STPG2: variants seen among roughly 807,000 people sequenced by gnomAD.
STPG2 encodes sperm-tail PG-rich repeat-containing protein 2.
Under a neutral mutation model 54.2 loss-of-function variants are expected in STPG2, and 56 were observed. The ratio of observed to expected loss-of-function variants is 1.03; its 90% confidence interval spans 0.83 to 1.29. STPG2 has a LOEUF of 1.29. Ranked by LOEUF, STPG2 falls within the 50% of genes most tolerant of loss-of-function variation. STPG2 has a pLI of 0.00. For missense variants in STPG2, 596 were observed against 544.9 expected, an observed-to-expected ratio of 1.09 and a Z score of -0.93; for synonymous variants, 200 against 181.8, an observed-to-expected ratio of 1.10 and a Z score of -0.81.
chr4:98,100,455 AAAC>A (rs1738992492), intron 5 of STPG2, among the ~76,000 whole-genome samples: 1 of 152,122 alleles, frequency 6.6e-6, no homozygotes, highest in Non-Finnish European at 1.5e-5. Flanking sequence ...AAATCTTGAG[AAAC>A]AAGAGAAAGA....
At chr4:98,044,868 G>C (rs1475050150) in intron 5 of STPG2, among the ~76,000 whole-genome samples, 3 of 152,136 alleles carry the variant, frequency 2.0e-5, no homozygotes. Context: ...GGCAAGGGTT[G>C]CACTGGACCG....
chr4:97,558,034 G>A (rs1227793882), downstream of STPG2, among the ~76,000 whole-genome samples: 1 of 152,174 alleles, frequency 6.6e-6, no homozygotes, highest in Non-Finnish European at 1.5e-5. Context: ...AGGAATAGTT[G>A]TCACTTTACA....
intron 8 of STPG2, among the ~76,000 whole-genome samples, chr4:97,865,003 A>C (rs895510308): frequency 1.3e-5 from 2 of 152,180 alleles, no homozygotes; most frequent in African/African-American, 4.8e-5. Flanking sequence ...AAGAAAACCT[A>C]GGCAATACCA....
At chr4:97,709,020 T>C (rs1213866132) in intron 10 of STPG2, among the ~76,000 whole-genome samples, 3 of 151,842 alleles carry the variant, frequency 2.0e-5, no homozygotes, top group Non-Finnish European at 1.5e-5. Context: ...TTTTCTCTTG[T>C]GCCTTTTCTA....
chr4:97,639,364 G>A (rs1721683453), intron 10 of STPG2, among the ~76,000 whole-genome samples: 1 of 151,898 alleles, frequency 6.6e-6, no homozygotes, highest in Admixed American at 6.6e-5. Flanking sequence ...GGAGGGGGGA[G>A]GGATGGCATT....
At chr4:97,951,652 A>T (rs1052017673) in intron 7 of STPG2, among the ~76,000 whole-genome samples, 2 of 152,102 alleles carry the variant, frequency 1.3e-5, no homozygotes, top group African/African-American at 4.8e-5. Context: ...GCTTCTCGGT[A>T]GCAACATGCT....
chr4:97,929,689 C>T (rs1732469695), intron 8 of STPG2, among the ~76,000 whole-genome samples: 2 of 152,138 alleles, frequency 1.3e-5, no homozygotes, highest in Non-Finnish European at 2.9e-5. Context: ...TGATAAGTGT[C>T]TGTTCATGTC....
intron 10 of STPG2, among the ~76,000 whole-genome samples, chr4:97,691,426 C>T (rs933815609): frequency 6.6e-6 from 1 of 152,024 alleles, no homozygotes; most frequent in African/African-American, 2.4e-5. Context: ...TCCTTGGTGA[C>T]CTGTATGATG....
intron 10 of STPG2, among the ~76,000 whole-genome samples, chr4:97,628,527 A>C (rs1721122662): frequency 6.6e-6 from 1 of 152,188 alleles, no homozygotes; most frequent in African/African-American, 2.4e-5. Context: ...TTAAAATCAT[A>C]ATACTCTAAT....
intron 6 of STPG2, among the ~76,000 whole-genome samples, chr4:97,976,059 C>T (rs1734487027): frequency 6.6e-6 from 1 of 152,178 alleles, no homozygotes; most frequent in Non-Finnish European, 1.5e-5. Context: ...AAATATCCTT[C>T]ATACTTCTGA....
intron 5 of STPG2, among the ~76,000 whole-genome samples, chr4:98,039,242 T>C (rs537297037): frequency 6.7e-4 from 102 of 151,734 alleles, no homozygotes; most frequent in African/African-American, 2.2e-3. Flanking sequence ...ATAAATGAAC[T>C]GTACTAGTCA....
chr4:98,010,134 C>G (rs1490490082), intron 5 of STPG2, among the ~76,000 whole-genome samples: 2 of 151,844 alleles, frequency 1.3e-5, no homozygotes, highest in African/African-American at 4.8e-5. Context: ...TAATTTCTTT[C>G]CTACTAACTT....
intron 10 of STPG2, among the ~76,000 whole-genome samples, chr4:97,572,280 C>T (rs1041260034): frequency 6.6e-6 from 1 of 152,136 alleles, no homozygotes; most frequent in East Asian, 1.9e-4. Context: ...TACAGCCATT[C>T]AGTTACTTCA....
At chr4:97,834,672 C>T (rs556855016) in intron 9 of STPG2, among the ~76,000 whole-genome samples, 1 of 152,118 alleles carries the variant, frequency 6.6e-6, no homozygotes, top group South Asian at 2.1e-4. Flanking sequence ...ATGCTAGTCT[C>T]ATCAGTTGTT....
intron 7 of STPG2, among the ~76,000 whole-genome samples, chr4:97,964,249 A>C (rs150000241): frequency 1.9e-3 from 293 of 152,294 alleles, no homozygotes; most frequent in African/African-American, 6.9e-3. Flanking sequence ...CAGATGGGGC[A>C]AAATAAACAC....
intron 2 of STPG2, among the ~76,000 whole-genome samples, chr4:98,130,697 T>C (rs1314890792): frequency 1.3e-5 from 2 of 151,192 alleles, no homozygotes; most frequent in South Asian, 4.2e-4. Flanking sequence ...CCGAGGCGGG[T>C]GGATCACAAG....
In STPG2 at chr4:97,745,618, G is replaced by A. The variant is rs553004513; in HGVS notation, c.1205-32804C>T. Among the ~76,000 whole-genome samples, 141 of 151,174 alleles carry A rather than the reference G, an allele frequency of 9.3e-4. 1 individual carries two copies. The highest frequency in any genetic ancestry group is 3.4e-3 in the African/African-American group (139 of 41,452). ...TCATAAATAAAATGTCTAAAAAACT[G>A]TTCTCTTAATTTATAAGAAAACATT... On this transcript the variant is annotated intron_variant, in intron 9 of 10. Transcript: ENST00000295268.
chr4:98,061,665 C>T (rs1464131074), intron 5 of STPG2, among the ~76,000 whole-genome samples: 1 of 151,964 alleles, frequency 6.6e-6, no homozygotes, highest in African/African-American at 2.4e-5. Flanking sequence ...CAAAAGAAGA[C>T]ATACATGCAA....
intron 5 of STPG2, among the ~76,000 whole-genome samples, chr4:98,099,664 T>C (rs1382473931): frequency 2.0e-5 from 3 of 152,198 alleles, no homozygotes; most frequent in East Asian, 1.9e-4. Flanking sequence ...CTTAAGGGGA[T>C]GGATAACCCA....
Sources: gnomAD v4.1 joint callset for allele counts (sites outside exome capture counted in the v4.1 genomes callset) on GRCh38, gnomAD v4.1.1 for gene constraint, MANE v1.5 for transcripts, NCBI Gene and HGNC (gene_info 2026-07-23, HGNC 2026-07-21) for gene names.